PRKG1: variants seen among roughly 807,000 people sequenced by gnomAD.
PRKG1 encodes protein kinase cGMP-dependent 1.
In PRKG1, 35 loss-of-function variants were observed where a neutral mutation model predicts 88.1. That is an observed-to-expected ratio of 0.40 (90% CI 0.30 to 0.53). The LOEUF is 0.53. Among genes scored for constraint, PRKG1 ranks in the 20% least tolerant of loss-of-function variants. The probability of loss-of-function intolerance (pLI) is 0.59; values close to 1 mark genes in which losing one functional copy is unlikely to be tolerated. For missense variants in PRKG1, 540 were observed against 839.8 expected, an observed-to-expected ratio of 0.64 and a Z score of 4.41; for synonymous variants, 303 against 292.5, an observed-to-expected ratio of 1.04 and a Z score of -0.37.
At chr10:51,364,150 C>T (rs529593539) in intron 2 of PRKG1, among the ~76,000 whole-genome samples, 14 of 152,066 alleles carry the variant, frequency 9.2e-5, no homozygotes, top group Admixed American at 3.3e-4. Context: ...ATATCATCCA[C>T]GCTAAATCTC....
chr10:52,230,713 T>C (rs1450096702), intron 9 of PRKG1: 1 of 152,210 alleles, frequency 6.6e-6, no homozygotes, highest in Non-Finnish European at 1.5e-5. Context: ...TTATAGCTTA[T>C]AGAAAACAAG....
intron 2 of PRKG1, among the ~76,000 whole-genome samples, chr10:51,320,896 G>A (rs1354291493): frequency 6.6e-6 from 1 of 152,118 alleles, no homozygotes; most frequent in Non-Finnish European, 1.5e-5. Context: ...TGGATTCTAA[G>A]TACCTTCAGG....
At chr10:51,254,378 A>G (rs1330077065) in intron 2 of PRKG1, among the ~76,000 whole-genome samples, 5 of 151,954 alleles carry the variant, frequency 3.3e-5, no homozygotes, top group African/African-American at 1.2e-4. Context: ...TGCATTAGTC[A>G]TAAGGGAAAT....
chr10:51,994,082 T>C (rs763099161), intron 5 of PRKG1, among the ~76,000 whole-genome samples: 1 of 152,188 alleles, frequency 6.6e-6, no homozygotes, highest in African/African-American at 2.4e-5. Flanking sequence ...CTTTGAGAGA[T>C]ACACAATTCT....
intron 5 of PRKG1, among the ~76,000 whole-genome samples, chr10:51,953,920 T>A (rs1350393455): frequency 6.6e-6 from 1 of 152,154 alleles, no homozygotes; most frequent in East Asian, 1.9e-4. Flanking sequence ...GCCCCTTTTA[T>A]CTTCTGATAT....
intron 3 of PRKG1, among the ~76,000 whole-genome samples, chr10:51,545,202 T>C (rs1842417672): frequency 6.6e-6 from 1 of 152,120 alleles, no homozygotes. Flanking sequence ...GAAAAATAAA[T>C]GTCATCCTCC....
At chr10:51,085,577 G>A (rs887412161) in intron 1 of PRKG1, among the ~76,000 whole-genome samples, 3 of 151,990 alleles carry the variant, frequency 2.0e-5, no homozygotes, top group Middle Eastern at 3.4e-3. Flanking sequence ...AGAAAAGTAC[G>A]CCCAAAGACA....
At chr10:51,112,536 T>G (rs998829236) in intron 1 of PRKG1, among the ~76,000 whole-genome samples, 2 of 152,128 alleles carry the variant, frequency 1.3e-5, no homozygotes, top group East Asian at 3.8e-4. Flanking sequence ...TTTCATTAGA[T>G]TCATAATAAC....
In PRKG1 at chr10:52,178,160, C is replaced by T. The variant is rs1204725570; in HGVS notation, c.1076+16197C>T. On this transcript the variant is annotated intron_variant, in intron 9 of 17. Transcript: ENST00000373980. ...GCCATCAACTTGCTTCTTAAGAATG[C>T]TTTGCTGTGTCCCATAGGTCCATAA... is the stretch of plus-strand genomic sequence containing the variant. Among the ~76,000 whole-genome samples the T allele has an allele frequency of 2.0e-5, 3 of 151,866 alleles. No homozygotes were observed. In the East Asian group the frequency reaches 5.8e-4, roughly 29 times the overall value.
At position 52,269,688 on chromosome 10, in the gene PRKG1, C is replaced by T. The variant is rs191991974; in HGVS notation, c.1174-1662C>T. On this transcript the variant is annotated intron_variant, in intron 10 of 17. Coordinates refer to ENST00000373980, the MANE Select transcript of PRKG1 (RefSeq NM_006258.4). ...ATGTTATTTCCCCAAGGTTACATTA[C>T]TCCCAAATAATATGGGCTGTTTGGT... Among the ~76,000 whole-genome samples, 67 of 152,254 alleles carry T rather than the reference C, an allele frequency of 4.4e-4. 1 individual carries two copies. In the East Asian group the frequency reaches 5.8e-3, roughly 13 times the overall value.
At chr10:51,186,958 A>ATATATATATATATATATATATATG (rs1837505645) in intron 2 of PRKG1, among the ~76,000 whole-genome samples, 18 of 46,488 alleles carry the variant, frequency 3.9e-4, no homozygotes, top group South Asian at 1.2e-3. Context: ...CCTGTGTTAT[A>ATATATATATATATATATATATATG]TATATATATA....
At chr10:51,091,226 A>G (rs747203661) in intron 1 of PRKG1, among the ~76,000 whole-genome samples, 1 of 152,192 alleles carries the variant, frequency 6.6e-6, no homozygotes, top group African/African-American at 2.4e-5. Flanking sequence ...AGCTTTATGG[A>G]AGTATAATTT....
intron 3 of PRKG1, among the ~76,000 whole-genome samples, chr10:51,522,716 C>T (rs1460575490): frequency 6.6e-6 from 1 of 152,122 alleles, no homozygotes; most frequent in African/African-American, 2.4e-5. Flanking sequence ...TTTCCTTTAG[C>T]CTCATCTCCA....
chr10:52,133,493 C>A (rs1837320739), intron 7 of PRKG1, among the ~76,000 whole-genome samples: 1 of 152,090 alleles, frequency 6.6e-6, no homozygotes, highest in Admixed American at 6.5e-5. Context: ...GCTTCAAATT[C>A]TTTAAAAACT....
intron 2 of PRKG1, among the ~76,000 whole-genome samples, chr10:51,309,227 C>T (rs963065672): frequency 2.0e-5 from 3 of 152,118 alleles, no homozygotes; most frequent in African/African-American, 7.2e-5. Context: ...TAGTAACCAA[C>T]ACAAGTGTCT....
intron 4 of PRKG1, among the ~76,000 whole-genome samples, chr10:51,842,289 A>C (rs1001939737): frequency 6.6e-6 from 1 of 152,212 alleles, no homozygotes; most frequent in Admixed American, 6.5e-5. Flanking sequence ...TTGCTAAGGT[A>C]AAACAGTATG....
Position 52,267,605 on chromosome 10 carries a change from T to A in PRKG1, c.1174-3745T>A, listed in dbSNP as rs1841609520. Among the ~76,000 whole-genome samples the A allele has an allele frequency of 2.0e-5, 3 of 152,186 alleles. No individual in the cohort carries two copies. The South Asian group carries it at 6.2e-4, about 32-fold the overall frequency. ...ACGTATTGATGAACACATTTCTGAT[T>A]GTCTCTTCATACATTTATTTCACAT... On this transcript the variant is annotated intron_variant, in intron 10 of 17. Coordinates refer to ENST00000373980, the MANE Select transcript of PRKG1 (RefSeq NM_006258.4).
At chr10:51,811,071 A>T (rs1033374014) in intron 4 of PRKG1, among the ~76,000 whole-genome samples, 2 of 152,184 alleles carry the variant, frequency 1.3e-5, no homozygotes, top group Non-Finnish European at 2.9e-5. Context: ...ATAAGCTCAT[A>T]CCCAGTAAAA....
At chr10:50,994,792 C>A (rs1298145210) in intron 1 of PRKG1, among the ~76,000 whole-genome samples, 1 of 138,302 alleles carries the variant, frequency 7.2e-6, no homozygotes, top group Non-Finnish European at 1.5e-5. Flanking sequence ...ATTCAACCAA[C>A]TGAGGATCAA....
Sources: allele counts gnomAD v4.1 joint callset (sites outside exome capture counted in the v4.1 genomes callset), GRCh38; gene constraint gnomAD v4.1.1; transcripts MANE v1.5; gene names NCBI Gene and HGNC (gene_info 2026-07-23, HGNC 2026-07-21).